Variants in NCOA3 observed in about 807,000 individuals in gnomAD.
NCOA3 encodes the protein CBP-interacting protein.
In NCOA3, 51 loss-of-function variants were observed where a neutral mutation model predicts 158.8. The ratio of observed to expected loss-of-function variants is 0.32; its 90% CI spans 0.26 to 0.41. NCOA3 has a LOEUF of 0.41. NCOA3 is among the 10% of genes least tolerant of loss of function. The pLI is 1.00. For synonymous variants in NCOA3, 537 were observed against 592.4 expected (o/e 0.91, Z 1.36); for missense variants, 1,510 against 1,746.6 (o/e 0.86, Z 2.41).
intron 2 of NCOA3, among the ~76,000 whole-genome samples, chr20:47,604,164 C>T (rs916626635): frequency 6.6e-5 from 10 of 152,108 alleles, no homozygotes; most frequent in African/African-American, 1.7e-4. Context: ...AGCCATTTTT[C>T]GAGAGCCTAC....
intron 1 of NCOA3, among the ~76,000 whole-genome samples, chr20:47,535,813 A>G (rs2084623617): frequency 1.3e-5 from 2 of 151,866 alleles, no homozygotes; most frequent in African/African-American, 2.4e-5. Context: ...GCCGAGTGCA[A>G]GGTTTTATTG....
rs1285404717 is a variant in NCOA3, at chr20:47,563,908, A to AG, written c.-98-19274dup. Among the ~76,000 whole-genome samples, 196 of 147,016 alleles carry AG rather than the reference A, an allele frequency of 1.3e-3. 5 individuals carry two copies. The highest frequency in any genetic ancestry group is 4.7e-3 in the African/African-American group (184 of 39,232). On this transcript the variant is annotated intron_variant, in intron 1 of 22. Coordinates refer to ENST00000371998, the MANE Select transcript of NCOA3 (RefSeq NM_181659.3). ...TGTCTCAAAAAAAAAAAAAAAAGAA[A>AG]GAAAAAAGAAAAAGGCTGAGGTGGG...
intron 2 of NCOA3, among the ~76,000 whole-genome samples, chr20:47,608,932 T>C (rs1462394153): frequency 6.6e-6 from 1 of 152,194 alleles, no homozygotes; most frequent in Non-Finnish European, 1.5e-5. Flanking sequence ...CTAACCAATC[T>C]GAAGTTTGGC....
intron 1 of NCOA3, among the ~76,000 whole-genome samples, chr20:47,518,605 A>G (rs889322655): frequency 6.6e-6 from 1 of 151,666 alleles, no homozygotes; most frequent in African/African-American, 2.4e-5. Flanking sequence ...TTGTATTTTT[A>G]GTAGAGATGG....
In NCOA3 at chr20:47,637,113, T is replaced by G. The variant is rs557645900; in HGVS notation, c.2376+351T>G. On this transcript the variant is annotated intron_variant, in intron 12 of 22. Coordinates refer to ENST00000371998, the MANE Select transcript of NCOA3 (RefSeq NM_181659.3). ...TTTTTATTTTAAGGTAAAATCAAGTTTCATGCACAAGATGACATTCTGTAT... is the reference window on the plus strand; with the variant it reads ...TTTTTATTTTAAGGTAAAATCAAGTGTCATGCACAAGATGACATTCTGTAT... Among the ~76,000 whole-genome samples the G allele has an allele frequency of 5.3e-5, 8 of 152,304 alleles. No individual in the cohort carries two copies. In the South Asian group the frequency reaches 1.7e-3, roughly 32 times the overall value.
At position 47,649,055 on chromosome 20, in the gene NCOA3, T is replaced by G. The variant is rs1398150934; in HGVS notation, c.3597T>G (p.Thr1199=). 1.2e-6 allele frequency: 2 copies of G among 1,613,968 alleles called. No homozygotes were observed. The highest frequency in any genetic ancestry group is 1.7e-6 in the Non-Finnish European group (2 of 1,179,994). The part of the protein sequence containing the change: ...QALELKMENP[T]AGGAAVMRPM... Reference sequence around the variant, plus strand: ...TTGAATTGAAAATGGAAAACCCTACTGCTGGTGGTGCTGCGGTGATGAGGC... The same window carrying G: ...TTGAATTGAAAATGGAAAACCCTACGGCTGGTGGTGCTGCGGTGATGAGGC... Residue 1199 remains threonine, a synonymous_variant, in exon 19 of 23, where the codon ACT becomes ACG. Coordinates refer to ENST00000371998, the MANE Select transcript of NCOA3 (RefSeq NM_181659.3).
intron 1 of NCOA3, among the ~76,000 whole-genome samples, chr20:47,503,258 T>C (rs2083971076): frequency 6.6e-6 from 1 of 152,188 alleles, no homozygotes; most frequent in South Asian, 2.1e-4. Context: ...GAGAAGGTGA[T>C]TGGAGGAATA....
At chr20:47,511,634 TC>T (rs199933628) in intron 1 of NCOA3, among the ~76,000 whole-genome samples, 1,754 of 145,590 alleles carry the variant, frequency 0.012, 39 homozygotes, top group African/African-American at 0.04. Context: ...CACCGCAACC[TC>T]CACCTCCCCG....
chr20:47,633,446 A>T, intron 8 of NCOA3, 50 bp from the exon 9 acceptor site: 1 of 1,540,208 alleles, frequency 6.5e-7, no homozygotes. Context: ...GCAGCCAGTA[A>T]ATACTTGTGG....
rs1381747378 is a variant in NCOA3, at chr20:47,600,095, A to G, written c.-20+16834A>G. Among the ~76,000 whole-genome samples the G allele has an allele frequency of 2.2e-5, 3 of 136,666 alleles. No individual in the cohort carries two copies. In the South Asian group the frequency reaches 6.8e-4, roughly 31 times the overall value. The allele number at this position is 136,666 out of a possible 152,430, so 89.7% of individuals were successfully genotyped here. A position where few individuals can be genotyped will look rare whatever the true frequency, so the allele number is the denominator to read the frequency against. On this transcript the variant is annotated intron_variant, in intron 2 of 22. Coordinates refer to ENST00000371998, the MANE Select transcript of NCOA3 (RefSeq NM_181659.3). ...TTTACTTGAGATGATCTGATGGCTA[A>G]TTCTCTCACTTCCTTTGTGTGTGTG...
chr20:47,624,155 T>C lies in NCOA3; in HGVS notation c.256+72T>C. On this transcript the variant is annotated intron_variant, in intron 4 of 22. Coordinates refer to ENST00000371998, the MANE Select transcript of NCOA3 (RefSeq NM_181659.3). ...TTTTTGGCACCAGGGACTGGTTTTG[T>C]GGAAGCCAGTTTTTCCATGGACCTG... 3 of 1,373,312 alleles carry C rather than the reference T, an allele frequency of 2.2e-6. No individual in the cohort carries two copies. The South Asian group carries it at 4.2e-5, about 19-fold the overall frequency. The allele number at this position is 1,373,312 out of a possible 1,614,324, so 85.1% of individuals were successfully genotyped here.
At chr20:47,552,427 A>T (rs938499931) in intron 1 of NCOA3, among the ~76,000 whole-genome samples, 1 of 152,222 alleles carries the variant, frequency 6.6e-6, no homozygotes, top group Admixed American at 6.5e-5. Context: ...TTTTGATATG[A>T]GGCAAGAGCA....
chr20:47,594,398 C>T (rs1385563363), intron 2 of NCOA3, among the ~76,000 whole-genome samples: 1 of 152,130 alleles, frequency 6.6e-6, no homozygotes, highest in Non-Finnish European at 1.5e-5. Context: ...TGCAGTGGCT[C>T]ATGCCTGTAA....
chr20:47,525,457 C>G (rs868713930), intron 1 of NCOA3, among the ~76,000 whole-genome samples: 325 of 150,912 alleles, frequency 2.2e-3, no homozygotes, highest in Admixed American at 4.3e-3. Flanking sequence ...GGTACACCTC[C>G]CAGACGGGGT....
chr20:47,529,414 C>G (rs1042729170), intron 1 of NCOA3, among the ~76,000 whole-genome samples: 5 of 151,830 alleles, frequency 3.3e-5, no homozygotes, highest in Non-Finnish European at 7.4e-5. Flanking sequence ...CCGCCGTGCC[C>G]AGCATCTAAA....
chr20:47,546,311 T>G (rs2084826326), intron 1 of NCOA3, among the ~76,000 whole-genome samples: 1 of 152,178 alleles, frequency 6.6e-6, no homozygotes, highest in African/African-American at 2.4e-5. Flanking sequence ...ACCAACATTT[T>G]CTGTGAGTTA....
intron 1 of NCOA3, among the ~76,000 whole-genome samples, chr20:47,549,080 G>A (rs1003984342): frequency 5.3e-5 from 8 of 151,932 alleles, no homozygotes; most frequent in Admixed American, 2.6e-4. Flanking sequence ...GTCTCACCAC[G>A]TTGCCTAGGG....
chr20:47,520,624 C>T (rs778930563), intron 1 of NCOA3, among the ~76,000 whole-genome samples: 5 of 152,090 alleles, frequency 3.3e-5, no homozygotes, highest in Non-Finnish European at 5.9e-5. Context: ...CTTGCCTTGC[C>T]TGCCCTGGAA....
intron 5 of NCOA3, among the ~76,000 whole-genome samples, 196 bp downstream of exon 5, chr20:47,625,677 G>GC (rs750128054): frequency 1.3e-5 from 2 of 151,932 alleles, no homozygotes; most frequent in Non-Finnish European, 2.9e-5. Flanking sequence ...AGGAAGCCTT[G>GC]CCCCCCTAGT....
Sources: gnomAD v4.1 joint callset for allele counts (sites outside exome capture counted in the v4.1 genomes callset) on GRCh38, gnomAD v4.1.1 for gene constraint, MANE v1.5 for transcripts, NCBI Gene and HGNC (gene_info 2026-07-23, HGNC 2026-07-21) for gene names.